IL12RB1: variants seen among roughly 807,000 people sequenced by gnomAD.
IL12RB1 encodes interleukin-12 receptor subunit beta-1.
IL12RB1 carries 64 observed loss-of-function variants against 94.4 expected under a neutral mutation model. The observed-to-expected ratio is 0.68, with a 90% CI of 0.55 to 0.83. The LOEUF (loss-of-function observed/expected upper bound fraction) is 0.83, where lower values mean the gene tolerates loss of function less well. IL12RB1 is among the 40% of genes least tolerant of loss of function. The pLI, the probability that IL12RB1 is intolerant of heterozygous loss-of-function variation, is 0.00. For missense variants in IL12RB1, 814 were observed against 855.6 expected (o/e 0.95, Z 0.61); for synonymous variants, 362 against 355.5 (o/e 1.02, Z -0.21).
chr19:18,083,367 G>T, intron 2 of IL12RB1, 65 bp downstream of exon 2: 1 of 1,484,406 alleles, frequency 6.7e-7, no homozygotes, highest in Non-Finnish European at 9.4e-7. Context: ...GGGAGGGGCC[G>T]CTGTGGATGG....
chr19:18,076,909 T>G (rs1439499697), intron 5 of IL12RB1, among the ~76,000 whole-genome samples: 1 of 152,136 alleles, frequency 6.6e-6, no homozygotes, highest in East Asian at 1.9e-4. Context: ...AAGACATTCC[T>G]GGAAAAATTG....
intron 12 of IL12RB1, among the ~76,000 whole-genome samples, chr19:18,065,586 A>G (rs2034516740): frequency 6.6e-6 from 1 of 152,178 alleles, no homozygotes; most frequent in Non-Finnish European, 1.5e-5. Flanking sequence ...TGGGAGGCCA[A>G]GGCGGGTGAT....
rs193024863 is a variant in IL12RB1, at chr19:18,094,588, G to A, written c.-229-3819C>T. Among the ~76,000 whole-genome samples, 3 of 152,342 alleles carry A rather than the reference G, an allele frequency of 2.0e-5. No individual in the cohort carries two copies. In the East Asian group the frequency reaches 5.8e-4, roughly 29 times the overall value. ...CAAATTTAAAATATAGAGTTGCTGG[G>A]CGCAGTGGCTCATGCCTGTAATCCC... On this transcript the variant is annotated intron_variant, in intron 1 of 4. Coordinates refer to the IL12RB1 transcript ENST00000594176.
At chr19:18,088,512 C>T (rs1376328491), upstream of IL12RB1, among the ~76,000 whole-genome samples, 9 of 149,946 alleles carry the variant, frequency 6.0e-5, no homozygotes, top group Non-Finnish European at 1.2e-4. Context: ...TGCAGTGAAT[C>T]GTGATTGTGC....
At chr19:18,078,783 AAT>A (rs1377825614) in intron 4 of IL12RB1, among the ~76,000 whole-genome samples, 3 of 152,140 alleles carry the variant, frequency 2.0e-5, no homozygotes, top group Non-Finnish European at 4.4e-5. Context: ...ATTAGCATAA[AAT>A]AGTCTTGCTG....
At chr19:18,091,693 A>C (rs1486608025), upstream of IL12RB1, 1 of 151,886 alleles carries the variant, frequency 6.6e-6, no homozygotes, top group African/African-American at 2.4e-5. Flanking sequence ...TCATTTGAGG[A>C]TGTTTAATTA....
At chr19:18,060,978 C>A in intron 15 of IL12RB1, 144 bp downstream of exon 15, 1 of 606,854 alleles carries the variant, frequency 1.6e-6, no homozygotes, top group South Asian at 2.0e-5. Flanking sequence ...GCCTGCCTGT[C>A]TTTAAAATGG....
chr19:18,094,419 A>T (rs560544101), intron 1 of IL12RB1, among the ~76,000 whole-genome samples: 2 of 152,254 alleles, frequency 1.3e-5, no homozygotes, highest in East Asian at 1.9e-4. Context: ...ATGAGCCAGC[A>T]CACACGGCCA....
upstream of IL12RB1, among the ~76,000 whole-genome samples, chr19:18,089,200 G>A (rs747882077): frequency 1.3e-5 from 2 of 152,128 alleles, no homozygotes; most frequent in African/African-American, 2.4e-5. Context: ...GGGGGGAGGC[G>A]GGAGTGAGAA....
At chr19:18,084,282 C>CCA in intron 1 of IL12RB1, among the ~76,000 whole-genome samples, 6 of 144,228 alleles carry the variant, frequency 4.2e-5, no homozygotes, top group Non-Finnish European at 9.2e-5. Context: ...CCCCATCCAT[C>CCA]TATCCATCCA....
intron 4 of IL12RB1, among the ~76,000 whole-genome samples, chr19:18,080,049 T>C (rs1199477432): frequency 6.6e-6 from 1 of 151,924 alleles, no homozygotes; most frequent in East Asian, 1.9e-4. Flanking sequence ...TTTTCTTTTC[T>C]TTTTTCTTTT....
rs759955794 is a variant in IL12RB1 at position 18,083,542 on chromosome 19, G to A, written c.65-51C>T. ...ACATTCCTGGCCTTGCACTGTGTGG[G>A]GAGAAGGGCTCAGCCTTGGGGTCTA... On this transcript the variant is annotated intron_variant, in intron 1 of 16. Transcript: ENST00000593993. 3.2e-5 allele frequency: 50 copies of A among 1,582,170 alleles called. No homozygotes were observed. In the East Asian group the frequency reaches 1.1e-3, roughly 35 times the overall value.
intron 5 of IL12RB1, among the ~76,000 whole-genome samples, chr19:18,077,149 G>A (rs2035540921): frequency 6.6e-6 from 1 of 152,196 alleles, no homozygotes; most frequent in Admixed American, 6.5e-5. Context: ...GATCACCTGA[G>A]GAGTTTGAGA....
intron 9 of IL12RB1, chr19:18,070,895 T>C (rs1362850221): frequency 6.4e-6 from 1 of 155,608 alleles, no homozygotes; most frequent in Non-Finnish European, 1.4e-5. Flanking sequence ...CAGTGAGCCA[T>C]GATTGCACTC....
intron 1 of IL12RB1, among the ~76,000 whole-genome samples, chr19:18,097,175 T>G (rs944083297): frequency 1.9e-4 from 29 of 151,902 alleles, no homozygotes; most frequent in Admixed American, 1.2e-3. Context: ...CATTTTTTGT[T>G]GTTGTTTTGT....
intron 9 of IL12RB1, 121 bp from the exon 10 acceptor site, chr19:18,069,834 G>C (rs1325906259): frequency 6.6e-6 from 5 of 762,408 alleles, no homozygotes; most frequent in Admixed American, 4.0e-5. Context: ...ACAGGGCCAG[G>C]GGTGTCTGTG....
upstream of IL12RB1, among the ~76,000 whole-genome samples, chr19:18,088,260 C>T (rs1416374193): frequency 6.6e-6 from 1 of 151,878 alleles, no homozygotes; most frequent in African/African-American, 2.4e-5. Context: ...GTGGCAGGCA[C>T]CTGTAATCCC....
intron 11 of IL12RB1, among the ~76,000 whole-genome samples, chr19:18,067,326 GAAAAAA>G (rs57327846): frequency 2.3e-4 from 19 of 82,606 alleles, no homozygotes; most frequent in African/African-American, 6.9e-4. Flanking sequence ...TCTGTCTCAA[GAAAAAA>G]AAAAAAAAAA....
intron 8 of IL12RB1, among the ~76,000 whole-genome samples, chr19:18,072,883 C>T (rs2035173033): frequency 2.1e-5 from 3 of 142,244 alleles, no homozygotes; most frequent in African/African-American, 7.9e-5. Context: ...GGAGGCGGAG[C>T]TTGTAGTGAG....
Sources: gnomAD v4.1 joint callset for allele counts (sites outside exome capture counted in the v4.1 genomes callset) on GRCh38, gnomAD v4.1.1 for gene constraint, MANE v1.5 for transcripts, NCBI Gene and HGNC (gene_info 2026-07-23, HGNC 2026-07-21) for gene names.